The following RBFOX1 variants were observed in gnomAD, a reference collection of about 807,000 sequenced individuals.
The protein encoded by RBFOX1 is RNA binding protein fox-1 homolog 1.
A neutral mutation model predicts 57.7 loss-of-function variants in RBFOX1; 8 were observed. The ratio of observed to expected loss-of-function variants is 0.14; its 90% CI spans 0.08 to 0.25. RBFOX1 has a LOEUF of 0.25. Among genes scored for constraint, RBFOX1 ranks in the 10% least tolerant of loss-of-function variants. The pLI is 1.00. For synonymous variants in RBFOX1, 326 were observed against 222.4 expected, an observed-to-expected ratio of 1.47 and a Z score of -4.15; for missense variants, 611 against 548.5, an observed-to-expected ratio of 1.11 and a Z score of -1.14.
chr16:6,962,389 C>CT (rs900902029), intron 3 of RBFOX1, among the ~76,000 whole-genome samples: 6 of 152,134 alleles, frequency 3.9e-5, no homozygotes, highest in Non-Finnish European at 7.3e-5. Flanking sequence ...TTCGACTTAT[C>CT]TTTTTAGGAG....
At chr16:7,327,450 A>G (rs899330866) in intron 4 of RBFOX1, among the ~76,000 whole-genome samples, 2 of 152,232 alleles carry the variant, frequency 1.3e-5, no homozygotes, top group African/African-American at 4.8e-5. Flanking sequence ...AAAGTGAGTG[A>G]TTGTGTGAGT....
At chr16:7,057,625 AG>A (rs545128436) in intron 4 of RBFOX1, among the ~76,000 whole-genome samples, 3 of 152,200 alleles carry the variant, frequency 2.0e-5, no homozygotes, top group Non-Finnish European at 4.4e-5. Context: ...TGTCCAGGGA[AG>A]TGGTATGAAG....
At chr16:6,283,280 T>C (rs1174740884) in intron 1 of RBFOX1, among the ~76,000 whole-genome samples, 1 of 152,174 alleles carries the variant, frequency 6.6e-6, no homozygotes, top group Non-Finnish European at 1.5e-5. Context: ...TGAGCTGTGA[T>C]GGCACTCTGT....
intron 1 of RBFOX1, among the ~76,000 whole-genome samples, chr16:6,185,496 T>C (rs1191006015): frequency 6.6e-6 from 1 of 152,240 alleles, no homozygotes; most frequent in Non-Finnish European, 1.5e-5. Flanking sequence ...ACCAGAGCCT[T>C]GCTTTCCTTT....
chr16:7,521,503 A>G (rs1414647052), intron 5 of RBFOX1, among the ~76,000 whole-genome samples: 2 of 152,122 alleles, frequency 1.3e-5, no homozygotes, highest in Non-Finnish European at 2.9e-5. Flanking sequence ...TTGCCCTGCA[A>G]AAAGAACACT....
intron 4 of RBFOX1, among the ~76,000 whole-genome samples, chr16:7,430,552 C>T (rs1321667156): frequency 6.6e-6 from 1 of 151,802 alleles, no homozygotes; most frequent in Non-Finnish European, 1.5e-5. Flanking sequence ...GTCCCAGCTA[C>T]TCGAGAGGCT....
At chr16:7,025,569 G>A (rs1476386068) in intron 3 of RBFOX1, among the ~76,000 whole-genome samples, 1 of 152,108 alleles carries the variant, frequency 6.6e-6, no homozygotes, top group Admixed American at 6.5e-5. Flanking sequence ...ACATAAGATT[G>A]TGCAGTGTGC....
intron 3 of RBFOX1, among the ~76,000 whole-genome samples, chr16:6,815,122 A>ACTTC (rs1439077713): frequency 6.6e-6 from 1 of 152,142 alleles, no homozygotes; most frequent in Admixed American, 6.5e-5. Context: ...ATATAGCGTA[A>ACTTC]CTTCCGGGTG....
intron 1 of RBFOX1, among the ~76,000 whole-genome samples, chr16:6,233,138 A>G (rs567261971): frequency 6.6e-6 from 1 of 152,282 alleles, no homozygotes; most frequent in South Asian, 2.1e-4. Context: ...GAAAGTGGGT[A>G]TGAGCCCGAT....
intron 2 of RBFOX1, among the ~76,000 whole-genome samples, chr16:6,370,774 A>G (rs980840787): frequency 6.6e-6 from 1 of 152,238 alleles, no homozygotes; most frequent in African/African-American, 2.4e-5. Context: ...GTTGCACAAG[A>G]ATGCAAATGT....
chr16:5,345,503 C>A (rs1469651446), intron 1 of RBFOX1, among the ~76,000 whole-genome samples: 2 of 152,228 alleles, frequency 1.3e-5, no homozygotes, highest in Non-Finnish European at 2.9e-5. Flanking sequence ...ATCTTAGCAG[C>A]CCCCAAGCCC....
chr16:7,045,609 G>C (rs1468078448), intron 3 of RBFOX1, among the ~76,000 whole-genome samples: 1 of 151,816 alleles, frequency 6.6e-6, no homozygotes, highest in Admixed American at 6.6e-5. Flanking sequence ...AAATCCTTGT[G>C]ATATTTGAAG....
At chr16:6,375,098 G>A (rs904655682) in intron 2 of RBFOX1, among the ~76,000 whole-genome samples, 1 of 152,194 alleles carries the variant, frequency 6.6e-6, no homozygotes, top group Non-Finnish European at 1.5e-5. Flanking sequence ...ATGGGAGTGT[G>A]TGCACAGGGA....
intron 3 of RBFOX1, among the ~76,000 whole-genome samples, chr16:5,754,291 G>A (rs1219459271): frequency 6.6e-6 from 1 of 152,188 alleles, no homozygotes; most frequent in African/African-American, 2.4e-5. Context: ...GTTAATCTAT[G>A]TAACATGTTT....
At chr16:7,110,878 G>C (rs994763591) in intron 4 of RBFOX1, among the ~76,000 whole-genome samples, 1 of 152,132 alleles carries the variant, frequency 6.6e-6, no homozygotes, top group Admixed American at 6.6e-5. Flanking sequence ...TCCCATCCCA[G>C]GGTCAGCTGT....
intron 3 of RBFOX1, among the ~76,000 whole-genome samples, chr16:6,939,506 C>CTTTTCTTTTT (rs1555651253): frequency 8.9e-6 from 1 of 112,890 alleles, no homozygotes; most frequent in Non-Finnish European, 1.9e-5. Context: ...ATTTTTCTTT[C>CTTTTCTTTTT]TTTTTTTTTT....
chr16:5,485,498 A>G (rs1389432633), intron 2 of RBFOX1, among the ~76,000 whole-genome samples: 7 of 152,174 alleles, frequency 4.6e-5, no homozygotes, highest in Admixed American at 4.6e-4. Context: ...GATTAGTAAC[A>G]GTGAAAATGG....
At chr16:5,671,519 A>G (rs2050012186) in intron 3 of RBFOX1, among the ~76,000 whole-genome samples, 1 of 152,238 alleles carries the variant, frequency 6.6e-6, no homozygotes, top group Non-Finnish European at 1.5e-5. Context: ...GGAGAAAAAC[A>G]ATAGTATTAA....
At chr16:7,563,681 A>G (rs1353662798) in intron 5 of RBFOX1, among the ~76,000 whole-genome samples, 1 of 151,980 alleles carries the variant, frequency 6.6e-6, no homozygotes, top group African/African-American at 2.4e-5. Flanking sequence ...TGTTGGCCAG[A>G]CTGGTCTCCA....
Sources: allele counts gnomAD v4.1 joint callset (sites outside exome capture counted in the v4.1 genomes callset), GRCh38; gene constraint gnomAD v4.1.1; transcripts MANE v1.5; gene names NCBI Gene and HGNC (gene_info 2026-07-23, HGNC 2026-07-21).